The following KCMF1 variants were observed in gnomAD, a reference collection of about 807,000 sequenced individuals.
The protein encoded by KCMF1 is potassium channel modulatory factor 1.
In KCMF1, 3 loss-of-function variants were observed where a neutral mutation model predicts 41.1. The observed-to-expected ratio is 0.07, with a 90% confidence interval of 0.03 to 0.19. KCMF1 has a LOEUF of 0.19. Among genes scored for constraint, KCMF1 ranks in the 10% least tolerant of loss-of-function variants. The probability of loss-of-function intolerance (pLI) is 1.00; values close to 1 mark genes in which losing one functional copy is unlikely to be tolerated. For synonymous variants in KCMF1, 142 were observed against 164.5 expected (o/e 0.86, Z 1.04); for missense variants, 286 against 488.9 (o/e 0.58, Z 3.91).
At chr2:85,028,486 T>TAC in intron 2 of KCMF1, among the ~76,000 whole-genome samples, 1 of 120,012 alleles carries the variant, frequency 8.3e-6, no homozygotes, top group African/African-American at 3.4e-5. Context: ...TGCCTGGCTT[T>TAC]TTTTTTTTTT....
rs564590037 is a variant in KCMF1 at position 84,990,485 on chromosome 2, A to C, written c.16+19018A>C. Among the ~76,000 whole-genome samples the C allele has an allele frequency of 5.3e-5, 8 of 152,182 alleles. No individual in the cohort carries two copies. The East Asian group carries it at 1.2e-3, about 22-fold the overall frequency. On this transcript the variant is annotated intron_variant, in intron 1 of 6. Coordinates refer to ENST00000409785, the MANE Select transcript of KCMF1 (RefSeq NM_020122.5). ...AGTAGAAATGAAACATAATTTTGGA[A>C]GGTGATAAATATTCTGAAGAAAATA...
intron 1 of KCMF1, among the ~76,000 whole-genome samples, chr2:84,982,102 T>C (rs895816511): frequency 1.3e-5 from 2 of 152,184 alleles, no homozygotes; most frequent in African/African-American, 4.8e-5. Flanking sequence ...AGATTTGTGA[T>C]TATCTTTTGA....
chr2:85,009,010 G>A (rs1444476197), intron 1 of KCMF1, among the ~76,000 whole-genome samples: 2 of 152,018 alleles, frequency 1.3e-5, no homozygotes, highest in Non-Finnish European at 2.9e-5. Flanking sequence ...GATTATAAGT[G>A]TGAGCCACCA....
At chr2:85,009,855 A>G (rs1259271159) in intron 1 of KCMF1, among the ~76,000 whole-genome samples, 1 of 152,166 alleles carries the variant, frequency 6.6e-6, no homozygotes, top group Non-Finnish European at 1.5e-5. Context: ...TAGAAATTTA[A>G]CTGCTTCTTA....
At chr2:85,046,537 T>C (rs1675671476) in intron 5 of KCMF1, among the ~76,000 whole-genome samples, 1 of 150,742 alleles carries the variant, frequency 6.6e-6, no homozygotes, top group Admixed American at 6.6e-5. Flanking sequence ...TGCTGAGGCA[T>C]GAGAATCGCT....
chr2:84,999,062 C>T (rs1674263704), intron 1 of KCMF1, among the ~76,000 whole-genome samples: 1 of 134,990 alleles, frequency 7.4e-6, no homozygotes, highest in Admixed American at 7.5e-5. Flanking sequence ...ATCCATCCAT[C>T]CAAGACGTAG....
At chr2:84,990,842 G>T (rs554129070) in intron 1 of KCMF1, among the ~76,000 whole-genome samples, 2 of 152,096 alleles carry the variant, frequency 1.3e-5, no homozygotes, top group African/African-American at 2.4e-5. Context: ...AAGAAGAGGA[G>T]TAGAGAAGAT....
At chr2:84,982,280 T>C (rs532301542) in intron 1 of KCMF1, among the ~76,000 whole-genome samples, 1 of 152,110 alleles carries the variant, frequency 6.6e-6, no homozygotes, top group Non-Finnish European at 1.5e-5. Context: ...TCTGTGGTTG[T>C]AGAGGTTTGG....
intron 1 of KCMF1, among the ~76,000 whole-genome samples, chr2:85,011,099 C>G (rs527572145): frequency 6.6e-6 from 1 of 152,226 alleles, no homozygotes; most frequent in East Asian, 1.9e-4. Flanking sequence ...GCCTCACTTC[C>G]CAAAGTGCTT....
chr2:85,044,159 T>C (rs2104055592), intron 4 of KCMF1, among the ~76,000 whole-genome samples: 1 of 152,292 alleles, frequency 6.6e-6, no homozygotes, highest in South Asian at 2.1e-4. Context: ...ATTAGTTAAA[T>C]ATGAAGAGGC....
At chr2:85,002,593 C>CTTTATTGAGGTCTTAACTGTGTTTT (rs1674360676) in intron 1 of KCMF1, among the ~76,000 whole-genome samples, 3 of 150,252 alleles carry the variant, frequency 2.0e-5, no homozygotes, top group Admixed American at 6.6e-5. Flanking sequence ...AAGCTCCTGA[C>CTTTATTGAGGTCTTAACTGTGTTTT]TTTATTGAGG....
At chr2:85,052,944 C>T (rs747181402) in intron 6 of KCMF1, among the ~76,000 whole-genome samples, 2 of 152,000 alleles carry the variant, frequency 1.3e-5, no homozygotes, top group Non-Finnish European at 2.9e-5. Flanking sequence ...CATAGATTTG[C>T]ACCTCCAGGT....
chr2:84,994,050 C>T (rs969557206), intron 1 of KCMF1, among the ~76,000 whole-genome samples: 3 of 152,058 alleles, frequency 2.0e-5, no homozygotes, highest in African/African-American at 4.8e-5. Context: ...TGGGTTCACG[C>T]CATTCTCCTG....
Position 85,055,237 on chromosome 2 carries a change from A to G in KCMF1, c.*1828A>G, listed in dbSNP as rs1675900498. On this transcript the variant is annotated 3_prime_UTR_variant, in exon 7 of 7. Coordinates refer to ENST00000409785, the MANE Select transcript of KCMF1 (RefSeq NM_020122.5). ...CACACATTTCAATAAAGCATTTTCA[A>G]GACTGTTGACCACTTGAATTTCTTT... is the stretch of plus-strand genomic sequence containing the variant. 1 of 152,228 alleles carries G rather than the reference A, an allele frequency of 6.6e-6. No homozygotes were observed. Among genetic ancestry groups the G allele is most frequent in the Non-Finnish European group, 1.5e-5 (1 of 68,040 alleles). The allele number at this position is 152,228 out of a possible 1,614,324, so 9.4% of individuals were successfully genotyped here.
intron 1 of KCMF1, among the ~76,000 whole-genome samples, chr2:84,992,927 G>C (rs959207123): frequency 6.6e-6 from 1 of 152,098 alleles, no homozygotes; most frequent in Non-Finnish European, 1.5e-5. Flanking sequence ...TTTCAGCTGG[G>C]CTCAGTGTAT....
At chr2:84,998,426 CA>C (rs1229543318) in intron 1 of KCMF1, among the ~76,000 whole-genome samples, 17 of 152,188 alleles carry the variant, frequency 1.1e-4, no homozygotes, top group African/African-American at 3.4e-4. Context: ...CCAGAAAACA[CA>C]TACATAATGG....
At chr2:84,985,559 G>A (rs184119878) in intron 1 of KCMF1, among the ~76,000 whole-genome samples, 19 of 150,704 alleles carry the variant, frequency 1.3e-4, no homozygotes, top group East Asian at 2.0e-4. Flanking sequence ...GGCCTGGCGC[G>A]GTGGCTCACG....
In KCMF1 at chr2:85,058,605, CTT is replaced by C. The variant is rs1178839210; in HGVS notation, c.*5200_*5201del. On this transcript the variant is annotated 3_prime_UTR_variant, in exon 7 of 7. Coordinates refer to ENST00000409785, the MANE Select transcript of KCMF1 (RefSeq NM_020122.5). ...TTCGCTGCTCTCTCATTCATACATA[CTT>C]TTTGAGTTCCCAGTAGGTACGAAGC... 1.3e-5 allele frequency: 2 copies of C among 152,216 alleles called. No homozygotes were observed. The highest frequency in any genetic ancestry group is 4.8e-5 in the African/African-American group (2 of 41,450). The allele number at this position is 152,216 out of a possible 1,614,324, so 9.4% of individuals were successfully genotyped here.
chr2:84,998,915 TACC>T (rs201306676), intron 1 of KCMF1, among the ~76,000 whole-genome samples: 159 of 102,760 alleles, frequency 1.5e-3, no homozygotes, highest in African/African-American at 7.7e-3. Flanking sequence ...CTGGGCCTCT[TACC>T]TATCTATCTA....
Sources: gnomAD v4.1 joint callset for allele counts (sites outside exome capture counted in the v4.1 genomes callset) on GRCh38, gnomAD v4.1.1 for gene constraint, MANE v1.5 for transcripts, NCBI Gene and HGNC (gene_info 2026-07-23, HGNC 2026-07-21) for gene names.